The following DCAF8L2 variants were observed in gnomAD, a reference collection of about 807,000 sequenced individuals.
DCAF8L2 encodes DDB1 and CUL4 associated factor 8 like 2.
For synonymous variants in DCAF8L2, 200 were observed against 190.9 expected (o/e 1.05, Z -0.39); for missense variants, 430 against 490.7 (o/e 0.88, Z 1.17).
At chrX:27,658,796 G>A (rs945688809) in intron 2 of DCAF8L2, among the ~76,000 whole-genome samples, 1 of 112,340 alleles carries the variant, frequency 8.9e-6, no homozygotes, top group Non-Finnish European at 1.9e-5. Context: ...GTTATTTTAT[G>A]CTACAGAGGC....
the DCAF8L2 span, among the ~76,000 whole-genome samples, chrX:27,581,340 ACTAG>A: frequency 2.2e-4 from 25 of 112,151 alleles, no homozygotes; most frequent in East Asian, 6.2e-3. Context: ...TTAGGTTAGC[ACTAG>A]CAGTGATTCT....
the DCAF8L2 span, among the ~76,000 whole-genome samples, chrX:27,473,736 C>G: frequency 2.7e-5 from 3 of 110,631 alleles, no homozygotes; most frequent in East Asian, 2.8e-4. Context: ...TTCTAAATAT[C>G]TTTACAGAAA....
rs1429515468 is a variant in DCAF8L2 at position 27,748,526 on chromosome X, C to T, written c.1631C>T (p.Ala544Val). 1 of 1,211,389 alleles carries T rather than the reference C, an allele frequency of 8.3e-7. No homozygotes were observed. The highest frequency in any genetic ancestry group is 1.1e-6 in the Non-Finnish European group (1 of 895,253). The change falls in exon 5 of 5, where the codon GCT becomes GTT. Residue 544 changes from alanine (A) to valine (V), a missense_variant. Transcript: ENST00000451261. ...GATGTCAAGATCTGGACACCCACAG[C>T]TAAAGCTGCCACTGAGCTTACTGGG... is the stretch of plus-strand genomic sequence containing the variant. ...DHDVKIWTPT[A>V]KAATELTGLK...
intron 2 of DCAF8L2, among the ~76,000 whole-genome samples, chrX:27,645,050 C>T (rs1356149358): frequency 8.9e-6 from 1 of 112,113 alleles, no homozygotes; most frequent in Admixed American, 9.5e-5. Flanking sequence ...GCTACCGCAC[C>T]CGCCCCCTAA....
chrX:27,700,078 T>C (rs1425481290), intron 3 of DCAF8L2, among the ~76,000 whole-genome samples: 1 of 111,070 alleles, frequency 9.0e-6, no homozygotes, highest in Non-Finnish European at 1.9e-5. Flanking sequence ...TACCTATATT[T>C]ATTTTATACT....
At chrX:27,694,354 T>A (rs1214975233) in intron 3 of DCAF8L2, among the ~76,000 whole-genome samples, 1 of 111,888 alleles carries the variant, frequency 8.9e-6, no homozygotes, top group African/African-American at 3.2e-5. Flanking sequence ...GAATCTAACA[T>A]AAAAATGGAA....
chrX:27,706,036 ATTGAATAGG>A (rs1430013599), intron 3 of DCAF8L2, among the ~76,000 whole-genome samples: 4 of 111,141 alleles, frequency 3.6e-5, no homozygotes, highest in Admixed American at 9.6e-5. Context: ...AGCACCATTT[ATTGAATAGG>A]TGACCCTCGT....
chrX:27,602,446 A>G (rs958907228), intron 1 of DCAF8L2, among the ~76,000 whole-genome samples: 2 of 112,091 alleles, frequency 1.8e-5, no homozygotes, highest in Admixed American at 9.5e-5. Context: ...CTTTGAAAAT[A>G]TATTTGTAAC....
intron 1 of DCAF8L2, among the ~76,000 whole-genome samples, chrX:27,622,293 C>T (rs759047394): frequency 2.1e-5 from 2 of 95,663 alleles, no homozygotes; most frequent in Non-Finnish European, 2.0e-5. Flanking sequence ...GGCGTAGTGG[C>T]GGACACCTGT....
the DCAF8L2 span, among the ~76,000 whole-genome samples, chrX:27,506,411 A>T: frequency 8.9e-6 from 1 of 111,732 alleles, no homozygotes; most frequent in Non-Finnish European, 1.9e-5. Context: ...GGCTGTAAGA[A>T]AGTCTCACAA....
chrX:27,640,821 G>T (rs1928687412), intron 2 of DCAF8L2, among the ~76,000 whole-genome samples: 1 of 111,135 alleles, frequency 9.0e-6, no homozygotes. Context: ...AAAAAGTGTA[G>T]GAGTATTTTA....
chrX:27,531,722 A>T, the DCAF8L2 span, among the ~76,000 whole-genome samples: 1 of 111,565 alleles, frequency 9.0e-6, no homozygotes, highest in South Asian at 3.8e-4. Flanking sequence ...TTGAGGGGCT[A>T]CATCTGTTTT....
At chrX:27,675,954 G>A (rs1395294256) in intron 2 of DCAF8L2, among the ~76,000 whole-genome samples, 2 of 112,140 alleles carry the variant, frequency 1.8e-5, no homozygotes, top group Non-Finnish European at 3.8e-5. Context: ...AAGATCTCTG[G>A]CTATGCTTAA....
intron 1 of DCAF8L2, among the ~76,000 whole-genome samples, chrX:27,598,359 A>AC (rs1281867999): frequency 1.5e-4 from 17 of 110,435 alleles, no homozygotes; most frequent in Admixed American, 6.7e-4. Context: ...CCCCCACCCA[A>AC]CCCCCCCGAG....
chrX:27,691,881 T>G (rs1257366469), intron 3 of DCAF8L2, among the ~76,000 whole-genome samples: 1 of 111,645 alleles, frequency 9.0e-6, no homozygotes. Context: ...ATTTGAAGCC[T>G]AGGAGATTAA....
chrX:27,715,160 A>G (rs901156338), intron 3 of DCAF8L2, among the ~76,000 whole-genome samples: 10 of 110,548 alleles, frequency 9.0e-5, no homozygotes, highest in Non-Finnish European at 1.5e-4. Context: ...TGGGAGGCCA[A>G]GGTGGACAGA....
chrX:27,550,926 T>C, the DCAF8L2 span, among the ~76,000 whole-genome samples: 1 of 111,338 alleles, frequency 9.0e-6, no homozygotes, highest in Admixed American at 9.6e-5. Flanking sequence ...TGTGTCACAT[T>C]TTGGTAATTC....
At chrX:27,620,914 T>C (rs1927726829) in intron 1 of DCAF8L2, among the ~76,000 whole-genome samples, 1 of 112,060 alleles carries the variant, frequency 8.9e-6, no homozygotes, top group African/African-American at 3.2e-5. Context: ...TATGGAAGCA[T>C]ATAAAGTGTC....
chrX:27,748,641 C>T lies in DCAF8L2; in HGVS notation c.1746C>T (p.Phe582=). 1 of 1,199,434 alleles carries T rather than the reference C, an allele frequency of 8.3e-7. No homozygotes were observed. The highest frequency in any genetic ancestry group is 1.1e-6 in the Non-Finnish European group (1 of 888,321). ...GSLFDQYMLW[F]LLRHVTQRGR... ...TGTTTGACCAGTACATGCTTTGGTT[C>T]CTCCTGCGTCACGTGACGCAGAGAG... Residue 582 remains phenylalanine (F), a synonymous_variant, in exon 5 of 5, where the codon TTC becomes TTT. Transcript: ENST00000451261.
Sources: gnomAD v4.1 joint callset for allele counts (sites outside exome capture counted in the v4.1 genomes callset) on GRCh38, gnomAD v4.1.1 for gene constraint, MANE v1.5 for transcripts, NCBI Gene and HGNC (gene_info 2026-07-23, HGNC 2026-07-21) for gene names.